Variants in FXYD6 observed in about 807,000 individuals in gnomAD.
The protein encoded by FXYD6 is FXYD domain-containing ion transport regulator 6.
A neutral mutation model predicts 16.7 loss-of-function variants in FXYD6; 7 were observed. That is an observed-to-expected ratio of 0.42 (90% CI 0.24 to 0.79). The LOEUF (loss-of-function observed/expected upper bound fraction) is 0.79, where lower values mean the gene tolerates loss of function less well. Ranked by LOEUF, FXYD6 falls within the 30% of genes least tolerant of loss-of-function variation. The probability of loss-of-function intolerance (pLI) is 0.28; values close to 1 mark genes in which losing one functional copy is unlikely to be tolerated. For synonymous variants in FXYD6, 49 were observed against 43.0 expected (o/e 1.14, Z -0.54); for missense variants, 111 against 116.2 (o/e 0.95, Z 0.21).
At chr11:117,871,847 C>T (rs1037180862) in intron 1 of FXYD6, among the ~76,000 whole-genome samples, 3 of 152,134 alleles carry the variant, frequency 2.0e-5, no homozygotes, top group South Asian at 2.1e-4. Flanking sequence ...CATCAGAATG[C>T]AGTTTAGAAT....
intron 1 of FXYD6, among the ~76,000 whole-genome samples, chr11:117,855,344 G>A (rs1182887870): frequency 6.6e-6 from 1 of 152,204 alleles, no homozygotes. Flanking sequence ...GGTGGCGGGA[G>A]CGGGGAGGAG....
intron 1 of FXYD6, among the ~76,000 whole-genome samples, chr11:117,873,990 G>C (rs2057197297): frequency 6.6e-6 from 1 of 152,186 alleles, no homozygotes; most frequent in African/African-American, 2.4e-5. Flanking sequence ...GATGGTGACT[G>C]AGAAAAGAAA....
intron 1 of FXYD6, among the ~76,000 whole-genome samples, chr11:117,845,422 T>C (rs148173109): frequency 6.6e-6 from 1 of 152,246 alleles, no homozygotes; most frequent in Non-Finnish European, 1.5e-5. Flanking sequence ...ATCTAAATAT[T>C]ATGTTGCTTA....
chr11:117,839,622 G>T, intron 7 of FXYD6, 159 bp downstream of exon 7: 1 of 755,782 alleles, frequency 1.3e-6, no homozygotes, highest in Non-Finnish European at 2.2e-6. Flanking sequence ...CTCTCTCACA[G>T]CCCCTTTCAG....
intron 1 of FXYD6, chr11:117,868,756 TTGGAACTCATACAATC>T (rs1408296331): frequency 1.1e-4 from 17 of 152,170 alleles, no homozygotes; most frequent in African/African-American, 3.9e-4. Context: ...GGGGAGAAAA[TTGGAACTCATACAATC>T]TGCCCAAGTT....
chr11:117,871,539 GTA>G (rs1279318654), intron 1 of FXYD6, among the ~76,000 whole-genome samples: 1 of 152,196 alleles, frequency 6.6e-6, no homozygotes, highest in African/African-American at 2.4e-5. Context: ...GACATTCACG[GTA>G]TATGAGTATG....
At chr11:117,867,913 CG>C (rs2057044848) in intron 1 of FXYD6, among the ~76,000 whole-genome samples, 1 of 152,146 alleles carries the variant, frequency 6.6e-6, no homozygotes, top group East Asian at 1.9e-4. Flanking sequence ...GCTCTAAACC[CG>C]GGCAGTGTAG....
intron 6 of FXYD6, 195 bp from the exon 7 acceptor site, chr11:117,840,025 T>G (rs2056302213): frequency 5.7e-6 from 4 of 699,174 alleles, no homozygotes; most frequent in East Asian, 2.7e-5. Context: ...CCTCTCTCAG[T>G]CCCTCGGTTA....
At chr11:117,841,766 A>G in intron 4 of FXYD6, 25 bp downstream of exon 4, 3 of 1,612,928 alleles carry the variant, frequency 1.9e-6, no homozygotes, top group Non-Finnish European at 2.5e-6. Flanking sequence ...TGCTCTTAAC[A>G]GAGTGAGCAA....
At chr11:117,848,617 T>C (rs1371345861) in intron 1 of FXYD6, among the ~76,000 whole-genome samples, 1 of 152,228 alleles carries the variant, frequency 6.6e-6, no homozygotes, top group African/African-American at 2.4e-5. Context: ...ATCTGTTCTT[T>C]GAGTGTTTGG....
Position 117,866,354 on chromosome 11 carries a change from G to A in FXYD6, c.-6+10238C>T, listed in dbSNP as rs183896296. On this transcript the variant is annotated intron_variant, in intron 1 of 7. Coordinates refer to ENST00000526014, the MANE Select transcript of FXYD6 (RefSeq NM_022003.4). ...TGGGGGGGAAATGGGTATAGGTGACGGGAAAAAACATGTTGACCCTAACTC... is the reference window on the plus strand; with the variant it reads ...TGGGGGGGAAATGGGTATAGGTGACAGGAAAAAACATGTTGACCCTAACTC... Among the ~76,000 whole-genome samples the A allele has an allele frequency of 2.9e-4, 44 of 152,184 alleles. No individual in the cohort carries two copies. The East Asian group carries it at 5.4e-3, about 19-fold the overall frequency.
chr11:117,875,977 C>G (rs980813001), intron 1 of FXYD6, among the ~76,000 whole-genome samples: 9 of 152,086 alleles, frequency 5.9e-5, no homozygotes, highest in Non-Finnish European at 1.3e-4. Flanking sequence ...CAGGGCCCCC[C>G]GGAAAGGAAA....
chr11:117,863,189 C>A (rs915839180), intron 1 of FXYD6, among the ~76,000 whole-genome samples: 2 of 152,210 alleles, frequency 1.3e-5, no homozygotes, highest in Non-Finnish European at 2.9e-5. Context: ...TGGTGCCATG[C>A]ACCTTCCACT....
intron 1 of FXYD6, among the ~76,000 whole-genome samples, chr11:117,853,259 A>G (rs1436552296): frequency 1.3e-5 from 2 of 152,224 alleles, no homozygotes; most frequent in Non-Finnish European, 2.9e-5. Flanking sequence ...TTTCTTTCAG[A>G]GAGCATTTGC....
At chr11:117,876,503 G>C (rs1409400224) in intron 1 of FXYD6, 89 bp downstream of exon 1, 6 of 152,416 alleles carry the variant, frequency 3.9e-5, no homozygotes, top group Admixed American at 3.9e-4. Context: ...AAAACCCGGC[G>C]CTCCCGGCGC....
intron 1 of FXYD6, among the ~76,000 whole-genome samples, chr11:117,866,074 GA>G (rs2057007678): frequency 6.6e-6 from 1 of 152,136 alleles, no homozygotes; most frequent in African/African-American, 2.4e-5. Flanking sequence ...CCACTCATAT[GA>G]GGCACGTAGA....
rs1255180861 is a variant in FXYD6 at position 117,858,479 on chromosome 11, CAG to C, written c.-5-15700_-5-15699del. Among the ~76,000 whole-genome samples, 3 of 152,138 alleles carry C rather than the reference CAG, an allele frequency of 2.0e-5. No individual in the cohort carries two copies. In the East Asian group the frequency reaches 5.8e-4, roughly 30 times the overall value. Reference sequence around the variant, plus strand: ...TCCCATGTAACCACCAGCTTGGAAACAGGGGTAAGGACCACACTCAGCCTCAC... The same window carrying C: ...TCCCATGTAACCACCAGCTTGGAAACGGGTAAGGACCACACTCAGCCTCAC... On this transcript the variant is annotated intron_variant, in intron 1 of 7. Transcript: ENST00000526014.
chr11:117,870,036 T>C lies in FXYD6; in HGVS notation c.-6+6556A>G, dbSNP rs2057101945. Among the ~76,000 whole-genome samples the C allele has an allele frequency of 6.6e-6, 1 of 152,212 alleles. No homozygotes were observed. The highest frequency in any genetic ancestry group is 2.1e-4 in the South Asian group (1 of 4,834). ...GGGCCCCAGCCCCCTTCCCAGGTCT[T>C]GCTGTCACCTCACCATCACTGACAA... On this transcript the variant is annotated intron_variant, in intron 1 of 7. Transcript: ENST00000526014. This position sits in a 1 kb window ranked among gnomAD's most constrained non-coding sequence, Gnocchi z 4.2.
rs1360417305 is a variant in FXYD6, at chr11:117,840,322, T to C, written c.256A>G (p.Asn86Asp). 1 of 1,614,108 alleles carries C rather than the reference T, an allele frequency of 6.2e-7. No homozygotes were observed. The highest frequency in any genetic ancestry group is 1.1e-5 in the South Asian group (1 of 91,082). Reference sequence around the variant, plus strand: ...GCAGGTGGTCACGGACAGTTACCATTGGCGGTGATGAGGTTCTCCACCTGG... The same window carrying C: ...GCAGGTGGTCACGGACAGTTACCATCGGCGGTGATGAGGTTCTCCACCTGG... Reference protein sequence around the residue: ...EAQVENLITANATEPQKAEN With the variant: ...EAQVENLITADATEPQKAEN The change falls in exon 6 of 8, where the codon AAT (asparagine) becomes GAT (aspartate). Residue 86 changes from asparagine to aspartate, a missense_variant. By Grantham distance (23) the Asn-to-Asp change is conservative. Transcript: ENST00000526014.
Sources: allele counts gnomAD v4.1 joint callset (sites outside exome capture counted in the v4.1 genomes callset), GRCh38; gene constraint gnomAD v4.1.1; non-coding constraint Gnocchi (gnomAD v3.1); transcripts MANE v1.5; gene names NCBI Gene and HGNC (gene_info 2026-07-23, HGNC 2026-07-21).